HDAC9: variants seen among roughly 807,000 people sequenced by gnomAD.
HDAC9 encodes the protein histone deacetylase 9.
A neutral mutation model predicts 139.4 loss-of-function variants in HDAC9; 41 were observed. The observed-to-expected ratio is 0.29, with a 90% CI of 0.23 to 0.38. HDAC9 has a LOEUF of 0.38. Among genes scored for constraint, HDAC9 ranks in the 10% least tolerant of loss-of-function variants. The pLI, the probability that HDAC9 is intolerant of heterozygous loss-of-function variation, is 1.00. For missense variants in HDAC9, 1,147 were observed against 1,297.0 expected (o/e 0.88, Z 1.78); for synonymous variants, 517 against 476.2 (o/e 1.09, Z -1.12).
At chr7:18,558,818 A>G (rs759793576) in intron 2 of HDAC9, among the ~76,000 whole-genome samples, 5 of 152,214 alleles carry the variant, frequency 3.3e-5, no homozygotes, top group Non-Finnish European at 7.3e-5. Flanking sequence ...TTCACAGTAA[A>G]GGTTTCTCAG....
intron 22 of HDAC9, among the ~76,000 whole-genome samples, chr7:18,890,416 T>G (rs1002024788): frequency 2.0e-5 from 3 of 152,200 alleles, no homozygotes; most frequent in African/African-American, 7.2e-5. Context: ...TTTGGAGATT[T>G]GTTTTGGAGA....
In HDAC9 at chr7:18,209,371, C is replaced by T. The variant is rs1791774528; in HGVS notation, c.25+47022C>T. 5.3e-5 allele frequency among the ~76,000 whole-genome samples: 8 copies of T among 152,178 alleles called. No individual in the cohort carries two copies. The South Asian group carries it at 1.7e-3, about 32-fold the overall frequency. On this transcript the variant is annotated intron_variant, in intron 2 of 12. Transcript: ENST00000417496. ...GCCCAGATCACATTGCTAGTAAGTG[C>T]TAAATTTTGGCTCAAACCCATCTTG...
At chr7:18,713,142 G>T (rs1441223734) in intron 12 of HDAC9, among the ~76,000 whole-genome samples, 1 of 152,154 alleles carries the variant, frequency 6.6e-6, no homozygotes, top group African/African-American at 2.4e-5. Flanking sequence ...TTTGTGGGCA[G>T]TGACCACTAA....
chr7:18,184,698 T>C (rs1026062774), intron 2 of HDAC9, among the ~76,000 whole-genome samples: 1 of 152,214 alleles, frequency 6.6e-6, no homozygotes, highest in African/African-American at 2.4e-5. Flanking sequence ...TCTATGCTTG[T>C]CTTGTTCTCT....
intron 1 of HDAC9, among the ~76,000 whole-genome samples, chr7:18,389,431 A>G (rs1345795156): frequency 6.6e-6 from 1 of 152,190 alleles, no homozygotes; most frequent in African/African-American, 2.4e-5. Context: ...CATGGCTTCC[A>G]GTGTTGCTCA....
At chr7:18,472,838 G>A (rs949488614) in intron 1 of HDAC9, among the ~76,000 whole-genome samples, 2 of 152,208 alleles carry the variant, frequency 1.3e-5, no homozygotes, top group Non-Finnish European at 2.9e-5. Context: ...TTTCCTGCTA[G>A]AGTGTATGCC....
At chr7:18,826,285 C>G (rs1261939646) in intron 17 of HDAC9, among the ~76,000 whole-genome samples, 1 of 152,164 alleles carries the variant, frequency 6.6e-6, no homozygotes, top group Non-Finnish European at 1.5e-5. Context: ...CCAACTCTGC[C>G]TTCTGCTGCA....
intron 1 of HDAC9, among the ~76,000 whole-genome samples, chr7:18,092,218 G>C (rs1253085344): frequency 6.6e-6 from 1 of 151,822 alleles, no homozygotes; most frequent in African/African-American, 2.4e-5. Flanking sequence ...CGACCCTGTT[G>C]CTACAAAAAA....
chr7:18,591,422 T>A (rs1027772366), intron 4 of HDAC9, 94 bp from the exon 5 acceptor site: 1 of 1,419,780 alleles, frequency 7.0e-7, no homozygotes. Flanking sequence ...TGTCAAATAT[T>A]CTAGAGGCAT....
intron 8 of HDAC9, among the ~76,000 whole-genome samples, chr7:18,641,023 A>G (rs895721966): frequency 6.6e-6 from 1 of 152,124 alleles, no homozygotes; most frequent in African/African-American, 2.4e-5. Flanking sequence ...CACCAGCATC[A>G]TATGAGAGTT....
In HDAC9 at chr7:18,586,569, T is replaced by G. The variant is rs149782188; in HGVS notation, c.264+1047T>G. ...ATAACTGATGTTACTAGTATGTAAT[T>G]TTACCACATTAATATGACAGTTTCT... On this transcript the variant is annotated intron_variant, in intron 3 of 25. Coordinates refer to ENST00000686413, the MANE Select transcript of HDAC9 (RefSeq NM_178425.4). Among the ~76,000 whole-genome samples, 599 of 152,190 alleles carry G rather than the reference T, an allele frequency of 3.9e-3. 6 individuals are homozygous for G. The highest frequency in any genetic ancestry group is 0.014 in the African/African-American group (588 of 41,554).
chr7:18,311,733 TC>T (rs1221480153), intron 1 of HDAC9, among the ~76,000 whole-genome samples: 1 of 152,134 alleles, frequency 6.6e-6, no homozygotes, highest in Non-Finnish European at 1.5e-5. Context: ...AATGTTTTTC[TC>T]CCAAATATGG....
intron 25 of HDAC9, among the ~76,000 whole-genome samples, chr7:18,984,175 C>A (rs1785141447): frequency 6.6e-6 from 1 of 151,946 alleles, no homozygotes; most frequent in South Asian, 2.1e-4. Flanking sequence ...AATCTGCATC[C>A]CTTTGGCTTA....
At chr7:18,513,641 A>G (rs180969798) in intron 2 of HDAC9, among the ~76,000 whole-genome samples, 169 of 152,302 alleles carry the variant, frequency 1.1e-3, no homozygotes, top group Middle Eastern at 3.4e-3. Context: ...TCAACACAAT[A>G]GAGAGGATTT....
chr7:18,308,651 A>T (rs1172611336), intron 1 of HDAC9, among the ~76,000 whole-genome samples: 1 of 152,198 alleles, frequency 6.6e-6, no homozygotes, highest in Admixed American at 6.5e-5. Context: ...CTTGTGTCAG[A>T]TTTATAACAA....
intron 2 of HDAC9, among the ~76,000 whole-genome samples, chr7:18,204,234 ATCT>A (rs1791337254): frequency 6.6e-6 from 1 of 151,828 alleles, no homozygotes; most frequent in Non-Finnish European, 1.5e-5. Context: ...TTGTTTGATA[ATCT>A]GTAGTTTACT....
intron 12 of HDAC9, among the ~76,000 whole-genome samples, chr7:18,702,025 A>C (rs765188870): frequency 7.9e-5 from 12 of 152,134 alleles, no homozygotes; most frequent in Non-Finnish European, 1.2e-4. Flanking sequence ...TTACTGTTTA[A>C]CTTCAGCTAC....
intron 2 of HDAC9, among the ~76,000 whole-genome samples, chr7:18,500,876 G>C (rs1448366508): frequency 6.6e-6 from 1 of 151,758 alleles, no homozygotes; most frequent in African/African-American, 2.4e-5. Flanking sequence ...ATAAACAAGA[G>C]AATGAGATGA....
chr7:18,642,352 C>G (rs576919146), intron 8 of HDAC9, among the ~76,000 whole-genome samples: 1 of 152,210 alleles, frequency 6.6e-6, no homozygotes, highest in African/African-American at 2.4e-5. Context: ...AAAGCCACCA[C>G]CATTCTCCCT....
Sources: gnomAD v4.1 joint callset for allele counts (sites outside exome capture counted in the v4.1 genomes callset) on GRCh38, gnomAD v4.1.1 for gene constraint, MANE v1.5 for transcripts, NCBI Gene and HGNC (gene_info 2026-07-23, HGNC 2026-07-21) for gene names.